The following FHIT variants were observed in gnomAD, a reference collection of about 807,000 sequenced individuals.
FHIT encodes bis(5'-adenosyl)-triphosphatase.
Under a neutral mutation model 17.9 loss-of-function variants are expected in FHIT, and 19 were observed. That is an observed-to-expected ratio of 1.06 (90% CI 0.74 to 1.56). FHIT has a LOEUF of 1.56. FHIT is among the 40% of genes most tolerant of loss of function. The probability of loss-of-function intolerance (pLI) is 0.00; values close to 1 mark genes in which losing one functional copy is unlikely to be tolerated. For synonymous variants in FHIT, 81 were observed against 69.7 expected (o/e 1.16, Z -0.81); for missense variants, 248 against 189.2 (o/e 1.31, Z -1.82).
In FHIT at chr3:60,426,686, G is replaced by A. The variant is rs530424612; in HGVS notation, c.103+110174C>T. 1.3e-3 allele frequency among the ~76,000 whole-genome samples: 197 copies of A among 152,162 alleles called. 1 individual carries two copies. The highest frequency in any genetic ancestry group is 4.5e-3 in the African/African-American group (186 of 41,528). On this transcript the variant is annotated intron_variant, in intron 5 of 9. Coordinates refer to ENST00000492590, the MANE Select transcript of FHIT (RefSeq NM_002012.4). ...TCTAGAACATTACAAATTATTCACCGTTTGATCATCACAATTTTCTACTTC... is the reference window on the plus strand; with the variant it reads ...TCTAGAACATTACAAATTATTCACCATTTGATCATCACAATTTTCTACTTC...
intron 4 of FHIT, among the ~76,000 whole-genome samples, chr3:60,700,130 C>CAAAA (rs55852235): frequency 7.4e-6 from 1 of 134,508 alleles, no homozygotes; most frequent in Non-Finnish European, 1.6e-5. Flanking sequence ...GAGTCTGTCT[C>CAAAA]AAAAAAAAAA....
At chr3:60,518,889 G>A (rs1024603424) in intron 5 of FHIT, among the ~76,000 whole-genome samples, 1 of 152,156 alleles carries the variant, frequency 6.6e-6, no homozygotes, top group Non-Finnish European at 1.5e-5. Flanking sequence ...TGTAATCCCA[G>A]CTACTCAAGA....
chr3:60,064,367 C>A (rs13060068), intron 5 of FHIT, among the ~76,000 whole-genome samples: 26,040 of 152,100 alleles, frequency 0.17, 2,604 homozygotes, highest in African/African-American at 0.27. Context: ...CACAGTATAA[C>A]TGATGCACCC....
intron 3 of FHIT, among the ~76,000 whole-genome samples, chr3:60,972,174 C>T (rs1041517675): frequency 6.6e-6 from 1 of 152,134 alleles, no homozygotes; most frequent in Non-Finnish European, 1.5e-5. Context: ...TATATTTATA[C>T]TTTTTGGTGT....
intron 4 of FHIT, among the ~76,000 whole-genome samples, chr3:60,677,195 A>T (rs574287955): frequency 1.2e-4 from 19 of 152,264 alleles, no homozygotes; most frequent in African/African-American, 4.6e-4. Context: ...AATTACGTAA[A>T]TTAAAGGGGT....
chr3:60,388,305 G>A (rs1701090532), intron 5 of FHIT, among the ~76,000 whole-genome samples: 1 of 152,104 alleles, frequency 6.6e-6, no homozygotes, highest in Admixed American at 6.6e-5. Flanking sequence ...CGTCTCTTGA[G>A]TTAACAAACC....
intron 2 of FHIT, among the ~76,000 whole-genome samples, chr3:61,167,669 A>T (rs576283867): frequency 6.6e-6 from 1 of 151,000 alleles, no homozygotes; most frequent in South Asian, 2.1e-4. Context: ...AAGAGAAAAG[A>T]GAATAAAAGA....
At chr3:60,462,483 G>A (rs2032535402) in intron 5 of FHIT, among the ~76,000 whole-genome samples, 2 of 152,176 alleles carry the variant, frequency 1.3e-5, no homozygotes, top group South Asian at 4.1e-4. Context: ...GGCATGGGGT[G>A]TGAAAAGAAT....
intron 5 of FHIT, among the ~76,000 whole-genome samples, chr3:60,436,354 C>G (rs2030237847): frequency 6.6e-6 from 1 of 151,912 alleles, no homozygotes; most frequent in Non-Finnish European, 1.5e-5. Context: ...CCAGCCAGTA[C>G]CACATTTTCT....
intron 5 of FHIT, among the ~76,000 whole-genome samples, chr3:60,392,619 A>G (rs983362738): frequency 6.6e-6 from 1 of 152,202 alleles, no homozygotes; most frequent in Admixed American, 6.5e-5. Context: ...ACTGTTGCAC[A>G]CAGATCAGCT....
rs1290489979 is a variant in FHIT at position 60,861,118 on chromosome 3, T to C, written c.-110-39107A>G. On this transcript the variant is annotated intron_variant, in intron 3 of 9. Transcript: ENST00000492590. ...ATATCATATATACACATATATCCTATATGTGTATATATGATATATGTATAT... is the reference window on the plus strand; with the variant it reads ...ATATCATATATACACATATATCCTACATGTGTATATATGATATATGTATAT... 2.6e-5 allele frequency among the ~76,000 whole-genome samples: 2 copies of C among 78,032 alleles called. 1 individual carries two copies. Among genetic ancestry groups the C allele is most frequent in the Non-Finnish European group, 5.1e-5 (2 of 39,188 alleles). 51.2% of individuals were successfully genotyped at this position (78,032 alleles called of 152,430 possible).
intron 7 of FHIT, among the ~76,000 whole-genome samples, chr3:59,957,420 C>T (rs917227468): frequency 1.5e-4 from 23 of 152,298 alleles, no homozygotes; most frequent in Admixed American, 5.2e-4. Flanking sequence ...GCCTCCAGAA[C>T]GGTGAGAAAA....
intron 5 of FHIT, among the ~76,000 whole-genome samples, chr3:60,148,656 C>T (rs941831553): frequency 1.3e-5 from 2 of 152,086 alleles, no homozygotes; most frequent in African/African-American, 4.8e-5. Context: ...TAGTTAAAGA[C>T]CAAATATCTG....
chr3:60,972,731 T>C (rs1269290256), intron 3 of FHIT, among the ~76,000 whole-genome samples: 3 of 152,130 alleles, frequency 2.0e-5, no homozygotes, highest in Non-Finnish European at 4.4e-5. Flanking sequence ...ATATGTCTCT[T>C]ATAAAATTTT....
At chr3:60,744,905 G>T (rs2042325925) in intron 4 of FHIT, among the ~76,000 whole-genome samples, 1 of 152,168 alleles carries the variant, frequency 6.6e-6, no homozygotes, top group Non-Finnish European at 1.5e-5. Context: ...ATTGTGCTGA[G>T]TGACGGGGAT....
intron 3 of FHIT, among the ~76,000 whole-genome samples, chr3:60,995,486 C>G (rs994344486): frequency 2.0e-5 from 3 of 152,152 alleles, no homozygotes; most frequent in African/African-American, 7.2e-5. Context: ...GGAGATTTAC[C>G]TCTTCCTCCT....
intron 7 of FHIT, among the ~76,000 whole-genome samples, chr3:59,958,661 G>A (rs1707520701): frequency 6.6e-6 from 1 of 152,184 alleles, no homozygotes; most frequent in African/African-American, 2.4e-5. Context: ...ATGCCTTGGT[G>A]AAATAATGAT....
intron 8 of FHIT, among the ~76,000 whole-genome samples, chr3:59,836,079 T>C (rs974923912): frequency 2.1e-4 from 32 of 152,124 alleles, no homozygotes; most frequent in Middle Eastern, 3.2e-3. Flanking sequence ...AAATGCAGCA[T>C]GCCCAAGATG....
chr3:59,961,217 G>A (rs1707662337), intron 7 of FHIT, among the ~76,000 whole-genome samples: 1 of 152,024 alleles, frequency 6.6e-6, no homozygotes, highest in Admixed American at 6.6e-5. Context: ...ATTCATAGCT[G>A]GAACTGCTAG....
Sources: allele counts gnomAD v4.1 joint callset (sites outside exome capture counted in the v4.1 genomes callset), GRCh38; gene constraint gnomAD v4.1.1; transcripts MANE v1.5; gene names NCBI Gene and HGNC (gene_info 2026-07-23, HGNC 2026-07-21).